DLG2: variants seen among roughly 807,000 people sequenced by gnomAD.
The protein encoded by DLG2 is discs large MAGUK scaffold protein 2.
In DLG2, 45 loss-of-function variants were observed where a neutral mutation model predicts 132.5. That is an observed-to-expected ratio of 0.34 (90% CI 0.27 to 0.44). The LOEUF is 0.44. Among genes scored for constraint, DLG2 ranks in the 20% least tolerant of loss-of-function variants. The pLI, the probability that DLG2 is intolerant of heterozygous loss-of-function variation, is 1.00. For missense variants in DLG2, 1,045 were observed against 1,196.9 expected (o/e 0.87, Z 1.87); for synonymous variants, 424 against 419.6 (o/e 1.01, Z -0.13).
chr11:84,438,402 A>T (rs772894783), intron 7 of DLG2, among the ~76,000 whole-genome samples: 27 of 152,158 alleles, frequency 1.8e-4, no homozygotes, highest in Non-Finnish European at 3.1e-4. Context: ...TGACATAGTT[A>T]CTGGAGGATG....
intron 8 of DLG2, among the ~76,000 whole-genome samples, chr11:84,183,578 CT>C (rs1163799243): frequency 1.3e-5 from 2 of 151,988 alleles, no homozygotes; most frequent in African/African-American, 2.4e-5. Flanking sequence ...AGAAATGTTT[CT>C]TTTTTTTAAA....
intron 4 of DLG2, among the ~76,000 whole-genome samples, chr11:85,249,328 AAC>A (rs981341061): frequency 3.9e-5 from 6 of 152,014 alleles, no homozygotes; most frequent in Non-Finnish European, 5.9e-5. Context: ...CAATTCAAGA[AAC>A]AGTGTGTATG....
chr11:83,695,568 G>A (rs2081757473), intron 18 of DLG2, among the ~76,000 whole-genome samples: 1 of 152,040 alleles, frequency 6.6e-6, no homozygotes, highest in Non-Finnish European at 1.5e-5. Flanking sequence ...TTGAAACCCT[G>A]TCTCTACTAA....
chr11:84,518,283 C>G (rs1455248465), intron 7 of DLG2, among the ~76,000 whole-genome samples: 1 of 89,602 alleles, frequency 1.1e-5, no homozygotes, highest in Non-Finnish European at 2.6e-5. Context: ...TTGAGTTTTA[C>G]CAAATTTTTA....
intron 6 of DLG2, among the ~76,000 whole-genome samples, chr11:84,755,735 T>C (rs2153837302): frequency 6.6e-6 from 1 of 152,332 alleles, no homozygotes; most frequent in Non-Finnish European, 1.5e-5. Context: ...GTGTGTCTTT[T>C]ACCCAGACTA....
intron 3 of DLG2, among the ~76,000 whole-genome samples, chr11:85,433,912 T>A (rs1026923580): frequency 1.3e-5 from 2 of 152,172 alleles, no homozygotes; most frequent in Non-Finnish European, 2.9e-5. Context: ...GACCACATAA[T>A]TAGAGATAAA....
intron 6 of DLG2, among the ~76,000 whole-genome samples, chr11:84,631,305 T>TG (rs2099631770): frequency 6.6e-6 from 1 of 152,058 alleles, no homozygotes; most frequent in African/African-American, 2.4e-5. Flanking sequence ...ATCTAATGAA[T>TG]GAATGAATAA....
intron 6 of DLG2, among the ~76,000 whole-genome samples, chr11:84,674,459 G>C (rs1248056157): frequency 6.6e-6 from 1 of 152,048 alleles, no homozygotes; most frequent in Non-Finnish European, 1.5e-5. Flanking sequence ...TTCTAAATTA[G>C]TGATCCTCTA....
At chr11:84,225,392 T>C (rs1031382807) in intron 8 of DLG2, among the ~76,000 whole-genome samples, 2 of 152,178 alleles carry the variant, frequency 1.3e-5, no homozygotes, top group African/African-American at 4.8e-5. Flanking sequence ...TTGGTCACAG[T>C]TTCTCCAACT....
intron 21 of DLG2, among the ~76,000 whole-genome samples, chr11:83,516,752 TGTAAA>T (rs1198391722): frequency 2.6e-5 from 4 of 152,210 alleles, no homozygotes; most frequent in African/African-American, 7.2e-5. Flanking sequence ...TTTGCTTGTC[TGTAAA>T]GTATTTTATT....
intron 8 of DLG2, among the ~76,000 whole-genome samples, chr11:84,181,889 C>A (rs1169566117): frequency 6.6e-5 from 10 of 152,024 alleles, no homozygotes; most frequent in Admixed American, 6.6e-4. Context: ...GGGGTAAAAA[C>A]CCATAGAATA....
chr11:83,815,376 A>ATT (rs2048567328), intron 17 of DLG2: 1 of 152,604 alleles, frequency 6.6e-6, no homozygotes, highest in Non-Finnish European at 1.5e-5. Flanking sequence ...CTTATAATGG[A>ATT]GACCTTACTG....
chr11:85,064,228 TATA>T (rs1481543551), intron 6 of DLG2, among the ~76,000 whole-genome samples: 2 of 151,984 alleles, frequency 1.3e-5, no homozygotes, highest in East Asian at 3.9e-4. Context: ...TCACTGAGCT[TATA>T]TTATAAAAAC....
intron 6 of DLG2, among the ~76,000 whole-genome samples, chr11:84,597,373 A>G (rs1014302816): frequency 6.6e-6 from 1 of 152,224 alleles, no homozygotes; most frequent in African/African-American, 2.4e-5. Flanking sequence ...CACTATTATT[A>G]TTAGACAGAC....
intron 18 of DLG2, among the ~76,000 whole-genome samples, chr11:83,699,571 G>A (rs1375217394): frequency 7.3e-5 from 11 of 150,000 alleles, no homozygotes; most frequent in Admixed American, 4.0e-4. Context: ...CTAGCCGGGC[G>A]TGGTGGTGGG....
chr11:83,882,272 A>C (rs1372342624), intron 15 of DLG2, among the ~76,000 whole-genome samples: 1 of 152,222 alleles, frequency 6.6e-6, no homozygotes, highest in Non-Finnish European at 1.5e-5. Flanking sequence ...ACATATAAAA[A>C]AAAGATGAAG....
chr11:84,780,174 A>G (rs772013108), intron 6 of DLG2, among the ~76,000 whole-genome samples: 4 of 152,130 alleles, frequency 2.6e-5, no homozygotes, highest in Non-Finnish European at 5.9e-5. Flanking sequence ...CACATCAAAA[A>G]GATTATACAC....
intron 17 of DLG2, among the ~76,000 whole-genome samples, chr11:83,808,191 G>A (rs2046410763): frequency 6.6e-6 from 1 of 152,166 alleles, no homozygotes; most frequent in South Asian, 2.1e-4. Flanking sequence ...TTTAGGGCAA[G>A]CTTGGTCAGT....
chr11:84,262,413 A>C (rs1474463977), intron 7 of DLG2, among the ~76,000 whole-genome samples: 1 of 152,190 alleles, frequency 6.6e-6, no homozygotes, highest in East Asian at 1.9e-4. Context: ...CATTTCTCAA[A>C]CTTTCCAGAT....
Sources: gnomAD v4.1 joint callset for allele counts (sites outside exome capture counted in the v4.1 genomes callset) on GRCh38, gnomAD v4.1.1 for gene constraint, MANE v1.5 for transcripts, NCBI Gene and HGNC (gene_info 2026-07-23, HGNC 2026-07-21) for gene names.